The following ITIH5 variants were observed in gnomAD, a reference collection of about 807,000 sequenced individuals.
ITIH5 encodes inter-alpha-trypsin inhibitor heavy chain 5.
A neutral mutation model predicts 77.5 loss-of-function variants in ITIH5; 65 were observed. The observed-to-expected ratio is 0.84, with a 90% CI of 0.69 to 1.03. ITIH5 has a LOEUF of 1.03. Among genes scored for constraint, ITIH5 ranks in the 50% least tolerant of loss-of-function variants. The probability of loss-of-function intolerance (pLI) is 0.00; values close to 1 mark genes in which losing one functional copy is unlikely to be tolerated. For synonymous variants in ITIH5, 525 were observed against 494.3 expected, an observed-to-expected ratio of 1.06 and a Z score of -0.82; for missense variants, 1,208 against 1,213.1, an observed-to-expected ratio of 1.00 and a Z score of 0.06.
At chr10:7,594,330 C>G (rs78355022) in intron 7 of ITIH5, among the ~76,000 whole-genome samples, 8,542 of 152,198 alleles carry the variant, frequency 0.056, 246 homozygotes, top group Middle Eastern at 0.17. Context: ...TTCCAACTAA[C>G]TAGGCCTGAA....
At chr10:7,640,674 C>A (rs1312715031) in intron 4 of ITIH5, 80 bp downstream of exon 4, 5 of 822,134 alleles carry the variant, frequency 6.1e-6, no homozygotes, top group Non-Finnish European at 1.0e-5. Flanking sequence ...AGGAAGACGA[C>A]AAGAGGAGTA....
At chr10:7,612,810 A>G (rs767609933) in intron 7 of ITIH5, among the ~76,000 whole-genome samples, 1 of 152,158 alleles carries the variant, frequency 6.6e-6, no homozygotes, top group African/African-American at 2.4e-5. Flanking sequence ...TATCATACTG[A>G]TCGTATGTAA....
chr10:7,634,814 C>A (rs1487059733), intron 5 of ITIH5, among the ~76,000 whole-genome samples: 1 of 152,162 alleles, frequency 6.6e-6, no homozygotes, highest in Non-Finnish European at 1.5e-5. Context: ...ATACTCTACC[C>A]TCCTTACGAG....
chr10:7,592,496 G>T (rs1832812744), intron 7 of ITIH5, among the ~76,000 whole-genome samples: 1 of 152,176 alleles, frequency 6.6e-6, no homozygotes. Context: ...GAGAAAGAGA[G>T]AAACAGAAAG....
intron 4 of ITIH5, among the ~76,000 whole-genome samples, chr10:7,638,872 G>A (rs969299653): frequency 6.6e-6 from 1 of 152,208 alleles, no homozygotes; most frequent in African/African-American, 2.4e-5. Context: ...CCAGATATCA[G>A]GAGTGATAAG....
chr10:7,629,467 G>A (rs77753316), intron 5 of ITIH5, among the ~76,000 whole-genome samples: 12,229 of 137,712 alleles, frequency 0.089, 1,365 homozygotes, highest in African/African-American at 0.22. Flanking sequence ...ATATGTATCT[G>A]TGTTTTCGCA....
At chr10:7,624,898 T>TATAC (rs1833550122) in intron 5 of ITIH5, among the ~76,000 whole-genome samples, 8 of 35,116 alleles carry the variant, frequency 2.3e-4, no homozygotes, top group African/African-American at 1.1e-3. Flanking sequence ...TGTATATATA[T>TATAC]ACATACATAT....
intron 1 of ITIH5, among the ~76,000 whole-genome samples, chr10:7,658,710 TG>T (rs1441148870): frequency 1.3e-5 from 2 of 152,178 alleles, no homozygotes; most frequent in Non-Finnish European, 2.9e-5. Flanking sequence ...GTTTTCTGAT[TG>T]GCAACTGGTT....
At chr10:7,586,141 G>GCC in intron 7 of ITIH5, 72 bp from the exon 8 acceptor site, 1 of 1,293,400 alleles carries the variant, frequency 7.7e-7, no homozygotes, top group Non-Finnish European at 1.0e-6. Context: ...TCTAGAAACC[G>GCC]CCCCCGCCCC....
chr10:7,666,472 G>GA (rs563977643), intron 1 of ITIH5, among the ~76,000 whole-genome samples: 33 of 151,930 alleles, frequency 2.2e-4, no homozygotes, highest in African/African-American at 7.2e-4. Context: ...GCGTGATAAG[G>GA]AAAAAACCTT....
At chr10:7,641,902 C>A (rs1188978288) in intron 3 of ITIH5, 25 bp downstream of exon 3, 1 of 1,612,272 alleles carries the variant, frequency 6.2e-7, no homozygotes, top group Non-Finnish European at 8.5e-7. Flanking sequence ...CAGAAATCTT[C>A]ATCCCTGACC....
intron 2 of ITIH5, among the ~76,000 whole-genome samples, chr10:7,645,760 T>G (rs752008419): frequency 6.6e-6 from 1 of 152,116 alleles, no homozygotes; most frequent in Non-Finnish European, 1.5e-5. Flanking sequence ...TCCAAAGCGA[T>G]TAGGATTAAA....
chr10:7,585,656 C>G (rs1300731101), intron 8 of ITIH5, among the ~76,000 whole-genome samples: 1 of 152,090 alleles, frequency 6.6e-6, no homozygotes, highest in Non-Finnish European at 1.5e-5. Context: ...AGGCAAGCCT[C>G]CAAACACCTA....
At chr10:7,584,031 C>T (rs1325521061) in intron 8 of ITIH5, among the ~76,000 whole-genome samples, 2 of 152,232 alleles carry the variant, frequency 1.3e-5, no homozygotes, top group East Asian at 3.8e-4. Context: ...TCACTCCATC[C>T]TGGTAACGAT....
intron 2 of ITIH5, among the ~76,000 whole-genome samples, chr10:7,645,705 T>C (rs1330600173): frequency 6.6e-6 from 1 of 152,194 alleles, no homozygotes; most frequent in Non-Finnish European, 1.5e-5. Flanking sequence ...TACAGTACCA[T>C]TTAATGGAAA....
At chr10:7,590,800 C>T (rs1186058424) in intron 7 of ITIH5, among the ~76,000 whole-genome samples, 1 of 152,240 alleles carries the variant, frequency 6.6e-6, no homozygotes, top group Non-Finnish European at 1.5e-5. Flanking sequence ...TAGGAAGGAG[C>T]CAGCATGGCT....
chr10:7,662,084 G>A (rs1456385900), intron 1 of ITIH5, among the ~76,000 whole-genome samples: 2 of 152,172 alleles, frequency 1.3e-5, no homozygotes, highest in African/African-American at 4.8e-5. Flanking sequence ...GGGGTGGGGT[G>A]CGGTGGCTCA....
intron 9 of ITIH5, among the ~76,000 whole-genome samples, chr10:7,577,384 A>G (rs1328993327): frequency 6.6e-6 from 1 of 152,242 alleles, no homozygotes; most frequent in East Asian, 1.9e-4. Flanking sequence ...TGGATGCTTA[A>G]AAAACAATGC....
At chr10:7,588,120 A>C (rs544326352) in intron 7 of ITIH5, among the ~76,000 whole-genome samples, 3 of 152,352 alleles carry the variant, frequency 2.0e-5, no homozygotes, top group Non-Finnish European at 4.4e-5. Context: ...GCGGTGGCTC[A>C]TGCCTCTAAT....
Sources: gnomAD v4.1 joint callset for allele counts (sites outside exome capture counted in the v4.1 genomes callset) on GRCh38, gnomAD v4.1.1 for gene constraint, MANE v1.5 for transcripts, NCBI Gene and HGNC (gene_info 2026-07-23, HGNC 2026-07-21) for gene names.